CNTNAP2: variants seen among roughly 807,000 people sequenced by gnomAD.
CNTNAP2 encodes contactin associated protein 2.
In CNTNAP2, 98 loss-of-function variants were observed where a neutral mutation model predicts 155.2. That is an observed-to-expected ratio of 0.63 (90% CI 0.54 to 0.75). The LOEUF is 0.75. Among genes scored for constraint, CNTNAP2 ranks in the 30% least tolerant of loss-of-function variants. The probability of loss-of-function intolerance (pLI) is 0.00; values close to 1 mark genes in which losing one functional copy is unlikely to be tolerated. For synonymous variants in CNTNAP2, 651 were observed against 631.2 expected (o/e 1.03, Z -0.47); for missense variants, 1,727 against 1,688.1 (o/e 1.02, Z -0.40).
chr7:146,556,081 C>T (rs1798194202), intron 1 of CNTNAP2, among the ~76,000 whole-genome samples: 1 of 152,096 alleles, frequency 6.6e-6, no homozygotes, highest in South Asian at 2.1e-4. Context: ...TTATTGGATT[C>T]CAACAAATAT....
At chr7:146,994,038 A>T (rs551519220) in intron 3 of CNTNAP2, among the ~76,000 whole-genome samples, 5 of 152,290 alleles carry the variant, frequency 3.3e-5, no homozygotes, top group Admixed American at 3.3e-4. Context: ...ATTTTAGGCA[A>T]TGCAAAGTGG....
At chr7:146,651,184 AT>A (rs1300865644) in intron 1 of CNTNAP2, among the ~76,000 whole-genome samples, 1 of 152,072 alleles carries the variant, frequency 6.6e-6, no homozygotes, top group Non-Finnish European at 1.5e-5. Flanking sequence ...AAAATTGCGT[AT>A]TTTTTTAGAG....
chr7:148,230,570 A>G (rs1038019754), intron 20 of CNTNAP2, among the ~76,000 whole-genome samples: 6 of 152,204 alleles, frequency 3.9e-5, no homozygotes, highest in Admixed American at 3.3e-4. Flanking sequence ...GCAGGGGTTC[A>G]GCAGCCTCTC....
intron 1 of CNTNAP2, among the ~76,000 whole-genome samples, chr7:146,273,137 A>G (rs533229885): frequency 1.3e-5 from 2 of 151,778 alleles, no homozygotes; most frequent in East Asian, 3.9e-4. Flanking sequence ...ATGGGGAGAT[A>G]TGGAAAATTT....
chr7:146,840,134 T>A (rs1015848084), intron 3 of CNTNAP2, among the ~76,000 whole-genome samples: 8 of 152,112 alleles, frequency 5.3e-5, no homozygotes, highest in African/African-American at 1.7e-4. Flanking sequence ...CCTGAGGAAG[T>A]TTTAAAGCAC....
intron 3 of CNTNAP2, among the ~76,000 whole-genome samples, chr7:146,844,867 A>G (rs1246487670): frequency 1.3e-5 from 2 of 152,184 alleles, no homozygotes; most frequent in African/African-American, 2.4e-5. Flanking sequence ...AATTTTAAGT[A>G]GGTGTTAGAC....
intron 1 of CNTNAP2, among the ~76,000 whole-genome samples, chr7:146,721,314 A>ATG (rs1563203393): frequency 2.2e-4 from 27 of 120,474 alleles, no homozygotes; most frequent in African/African-American, 5.0e-4. Flanking sequence ...TATTCTATAT[A>ATG]TATTCTATAT....
intron 15 of CNTNAP2, among the ~76,000 whole-genome samples, chr7:148,054,474 C>G (rs1409712575): frequency 1.3e-5 from 1 of 74,142 alleles, no homozygotes; most frequent in Non-Finnish European, 2.3e-5. Context: ...TTTTTTTTTA[C>G]AGAGCTGGAT....
At chr7:147,256,703 G>A (rs1161775909) in intron 8 of CNTNAP2, among the ~76,000 whole-genome samples, 1 of 152,188 alleles carries the variant, frequency 6.6e-6, no homozygotes, top group African/African-American at 2.4e-5. Context: ...AACATGTGAA[G>A]TTGCCTCTGA....
At chr7:147,191,910 C>T (rs570984604) in intron 8 of CNTNAP2, among the ~76,000 whole-genome samples, 1 of 152,104 alleles carries the variant, frequency 6.6e-6, no homozygotes, top group Non-Finnish European at 1.5e-5. Context: ...GAATTTTATT[C>T]CAGAAGATTC....
In CNTNAP2 at chr7:148,107,619, G is replaced by A. The variant is rs375276919; in HGVS notation, c.2384-10499G>A. On this transcript the variant is annotated intron_variant, in intron 15 of 23. Coordinates refer to ENST00000361727, the MANE Select transcript of CNTNAP2 (RefSeq NM_014141.6). Reference sequence around the variant, plus strand: ...AATGTACAAAAAAGGTTTAATTAAGGAAGTAATTTTTTTCTCCCGTAAGGA... The same window carrying A: ...AATGTACAAAAAAGGTTTAATTAAGAAAGTAATTTTTTTCTCCCGTAAGGA... 7.2e-5 allele frequency among the ~76,000 whole-genome samples: 11 copies of A among 152,144 alleles called. No homozygotes were observed. In the East Asian group the frequency reaches 2.1e-3, roughly 29 times the overall value.
chr7:146,698,233 T>C (rs1483902633), intron 1 of CNTNAP2, among the ~76,000 whole-genome samples: 1 of 152,128 alleles, frequency 6.6e-6, no homozygotes, highest in African/African-American at 2.4e-5. Context: ...TTATTTTACC[T>C]TCATTTATTT....
intron 1 of CNTNAP2, among the ~76,000 whole-genome samples, chr7:146,634,805 T>C (rs1442408195): frequency 6.6e-6 from 1 of 152,184 alleles, no homozygotes; most frequent in Non-Finnish European, 1.5e-5. Flanking sequence ...AAAAATAATT[T>C]CTTAAAATCG....
At chr7:146,729,646 C>G (rs956711675) in intron 1 of CNTNAP2, among the ~76,000 whole-genome samples, 13 of 151,966 alleles carry the variant, frequency 8.6e-5, no homozygotes, top group Non-Finnish European at 1.9e-4. Flanking sequence ...TAATAAAACA[C>G]AGGCTAGAGT....
intron 1 of CNTNAP2, among the ~76,000 whole-genome samples, chr7:146,431,675 A>G (rs551521591): frequency 1.6e-4 from 25 of 152,196 alleles, no homozygotes; most frequent in Non-Finnish European, 3.2e-4. Flanking sequence ...TATCATAAGG[A>G]TCAATAGACA....
intron 13 of CNTNAP2, among the ~76,000 whole-genome samples, chr7:147,707,039 T>C (rs1419570026): frequency 2.6e-5 from 4 of 152,334 alleles, no homozygotes; most frequent in Admixed American, 6.5e-5. Flanking sequence ...TCTGAATTTT[T>C]TTTCTGATTT....
chr7:147,063,084 A>G (rs1054103476), intron 4 of CNTNAP2, among the ~76,000 whole-genome samples: 2 of 152,190 alleles, frequency 1.3e-5, no homozygotes, highest in African/African-American at 4.8e-5. Context: ...CAGATGAAGA[A>G]CTGAGAACTC....
chr7:148,293,509 A>C (rs1797229463), intron 21 of CNTNAP2, among the ~76,000 whole-genome samples: 1 of 152,244 alleles, frequency 6.6e-6, no homozygotes, highest in Non-Finnish European at 1.5e-5. Context: ...CAGTCTCAGA[A>C]ATGTTGTATT....
chr7:148,364,269 C>T (rs1798687126), intron 21 of CNTNAP2, among the ~76,000 whole-genome samples: 1 of 152,246 alleles, frequency 6.6e-6, no homozygotes, highest in Admixed American at 6.5e-5. Context: ...GCCAGCTGGG[C>T]TCCTGAGTCT....
Sources: gnomAD v4.1 joint callset for allele counts (sites outside exome capture counted in the v4.1 genomes callset) on GRCh38, gnomAD v4.1.1 for gene constraint, MANE v1.5 for transcripts, NCBI Gene and HGNC (gene_info 2026-07-23, HGNC 2026-07-21) for gene names.